Variants in MLXIPL observed in about 807,000 individuals in gnomAD.
MLXIPL encodes the protein MLX interacting protein like.
MLXIPL carries 49 observed loss-of-function variants against 81.5 expected under a neutral mutation model. The observed-to-expected ratio is 0.60, with a 90% CI of 0.48 to 0.76. MLXIPL has a LOEUF of 0.76. Among genes scored for constraint, MLXIPL ranks in the 30% least tolerant of loss-of-function variants. The probability of loss-of-function intolerance (pLI) is 0.00; values close to 1 mark genes in which losing one functional copy is unlikely to be tolerated. For synonymous variants in MLXIPL, 466 were observed against 485.5 expected, an observed-to-expected ratio of 0.96 and a Z score of 0.53; for missense variants, 1,053 against 1,167.0, an observed-to-expected ratio of 0.90 and a Z score of 1.42.
intron 15 of MLXIPL, 100 bp from the exon 16 acceptor site, chr7:73,594,503 C>T: frequency 6.9e-7 from 1 of 1,450,524 alleles, no homozygotes; most frequent in Non-Finnish European, 9.5e-7. Context: ...AGGGCCTGGA[C>T]ACTGTCTAAC....
At chr7:73,640,246 A>T in the MLXIPL span, among the ~76,000 whole-genome samples, 14 of 151,366 alleles carry the variant, frequency 9.2e-5, no homozygotes, top group Non-Finnish European at 2.1e-4. Context: ...CTCTTAAAAT[A>T]ATAGCAAAAT....
At position 73,623,259 on chromosome 7, in the gene MLXIPL, G is replaced by T. The variant is rs1332205873; in HGVS notation, c.293+941C>A. On this transcript the variant is annotated intron_variant, in intron 1 of 16. Coordinates refer to ENST00000313375, the MANE Select transcript of MLXIPL (RefSeq NM_032951.3). This position sits in a 1 kb window ranked among gnomAD's most constrained non-coding sequence, Gnocchi z 5.7. ...TCTCAGAAGGGGAGGAGGCGCCGCG[G>T]AGGAAGAGGAATATTTGCACAGAGA... is the stretch of plus-strand genomic sequence containing the variant. Among the ~76,000 whole-genome samples, 1 of 152,228 alleles carries T rather than the reference G, an allele frequency of 6.6e-6. No individual in the cohort carries two copies. Among genetic ancestry groups the T allele is most frequent in the Non-Finnish European group, 1.5e-5 (1 of 68,040 alleles).
At chr7:73,617,125 C>T (rs559795181) in intron 1 of MLXIPL, among the ~76,000 whole-genome samples, 13 of 152,108 alleles carry the variant, frequency 8.5e-5, no homozygotes, top group East Asian at 3.9e-4. Flanking sequence ...AAACAATTCT[C>T]GTGCCTCGGC....
At chr7:73,640,776 C>CA in the MLXIPL span, among the ~76,000 whole-genome samples, 704 of 66,270 alleles carry the variant, frequency 0.011, 10 homozygotes, top group East Asian at 0.1. Flanking sequence ...GACTCCATCT[C>CA]AAAAAAAAAA....
At chr7:73,636,081 C>T in the MLXIPL span, among the ~76,000 whole-genome samples, 1 of 152,132 alleles carries the variant, frequency 6.6e-6, no homozygotes, top group Admixed American at 6.6e-5. Context: ...AAGGAAGGCT[C>T]TCTAGAAGAA....
the MLXIPL span, among the ~76,000 whole-genome samples, chr7:73,637,475 G>GA: frequency 9.3e-4 from 127 of 136,438 alleles, no homozygotes; most frequent in Admixed American, 1.6e-3. Flanking sequence ...ACTCTGTCTG[G>GA]AAAAAAAAAA....
At chr7:73,595,434 T>A (rs1349896315) in intron 15 of MLXIPL, among the ~76,000 whole-genome samples, 4 of 152,134 alleles carry the variant, frequency 2.6e-5, no homozygotes, top group Non-Finnish European at 4.4e-5. Flanking sequence ...TTTCCCTCTC[T>A]GCTCCCAGCC....
the MLXIPL span, among the ~76,000 whole-genome samples, chr7:73,635,669 A>T: frequency 4.0e-5 from 6 of 150,750 alleles, no homozygotes; most frequent in African/African-American, 1.2e-4. Context: ...CTATCTATCC[A>T]TCCATCCATC....
the MLXIPL span, among the ~76,000 whole-genome samples, chr7:73,643,595 G>C: frequency 6.6e-6 from 1 of 151,968 alleles, no homozygotes; most frequent in East Asian, 1.9e-4. Context: ...TTTGAACCCA[G>C]TTGTGTCTGA....
chr7:73,643,695 T>C, the MLXIPL span, among the ~76,000 whole-genome samples: 7,501 of 152,196 alleles, frequency 0.049, 214 homozygotes, highest in Non-Finnish European at 0.064. Context: ...ACATCATGTG[T>C]CAGGTAAATC....
chr7:73,596,111 G>T lies in MLXIPL; in HGVS notation c.2058+42C>A, dbSNP rs782664677. 1.9e-6 allele frequency: 3 copies of T among 1,606,614 alleles called. No individual in the cohort carries two copies. In the South Asian group the frequency reaches 3.3e-5, roughly 18 times the overall value. ...TTGGGTGGGGGGGGTCCAGAAAGGG[G>T]CCCTGTGGTTTTGGGGGTGCCAGCC... On this transcript the variant is annotated intron_variant, in intron 13 of 16. Coordinates refer to ENST00000313375, the MANE Select transcript of MLXIPL (RefSeq NM_032951.3). This position sits in a 1 kb window ranked among gnomAD's most constrained non-coding sequence, Gnocchi z 4.7.
rs1794254901 is a variant in MLXIPL at position 73,595,979 on chromosome 7, C to T, written c.2059-10G>A. 1 of 1,612,296 alleles carries T rather than the reference C, an allele frequency of 6.2e-7. No homozygotes were observed. The highest frequency in any genetic ancestry group is 1.1e-5 in the South Asian group (1 of 91,020). On this transcript the variant is annotated splice_polypyrimidine_tract_variant and intron_variant, in intron 13 of 16. Coordinates refer to ENST00000313375, the MANE Select transcript of MLXIPL (RefSeq NM_032951.3). ...TGGTAGCTTTGCTCACCTGCAGACG[C>T]CACCAGGGGGGCTCAGGCAGGTGCT...
chr7:73,628,078 T>C (rs1248607782), upstream of MLXIPL, among the ~76,000 whole-genome samples: 1 of 152,098 alleles, frequency 6.6e-6, no homozygotes, highest in Admixed American at 6.6e-5. Flanking sequence ...CACCACGGCC[T>C]CCCAAAGTGC....
At chr7:73,633,446 A>T in the MLXIPL span, among the ~76,000 whole-genome samples, 1 of 151,276 alleles carries the variant, frequency 6.6e-6, no homozygotes, top group Non-Finnish European at 1.5e-5. Flanking sequence ...CTTGGGCTCA[A>T]GCAGTCCTCC....
intron 2 of MLXIPL, among the ~76,000 whole-genome samples, chr7:73,608,488 G>A (rs1001188280): frequency 6.6e-6 from 1 of 152,084 alleles, no homozygotes; most frequent in Non-Finnish European, 1.5e-5. Flanking sequence ...TTGGGAGGCT[G>A]AGGCAGGAGA....
the MLXIPL span, among the ~76,000 whole-genome samples, chr7:73,642,166 A>G: frequency 6.6e-6 from 1 of 152,128 alleles, no homozygotes; most frequent in African/African-American, 2.4e-5. Context: ...TCAGTTTGTT[A>G]TCAATGATAC....
intron 5 of MLXIPL, chr7:73,606,676 T>G: frequency 2.4e-6 from 1 of 409,742 alleles, no homozygotes; most frequent in Non-Finnish European, 4.6e-6. Context: ...CCCACCCGCC[T>G]CGGCCTCCCA....
the MLXIPL span, among the ~76,000 whole-genome samples, chr7:73,630,123 A>C: frequency 2.0e-5 from 3 of 151,398 alleles, no homozygotes; most frequent in African/African-American, 7.3e-5. Context: ...TCAGCCTCCC[A>C]AGTAGCTGGG....
chr7:73,607,568 A>G lies in MLXIPL; in HGVS notation c.483+22T>C, dbSNP rs782129150. 3 of 1,611,142 alleles carry G rather than the reference A, an allele frequency of 1.9e-6. No homozygotes were observed. In the East Asian group the frequency reaches 6.7e-5, roughly 36 times the overall value. On this transcript the variant is annotated intron_variant, in intron 3 of 16. Transcript: ENST00000313375. ...TGGGTGGGCAGGTGGGCAGGTGGGC[A>G]GGCGGTCCAGAACCCAGCTACCTCC...
Sources: gnomAD v4.1 joint callset for allele counts (sites outside exome capture counted in the v4.1 genomes callset) on GRCh38, gnomAD v4.1.1 for gene constraint, Gnocchi (gnomAD v3.1) non-coding constraint, MANE v1.5 for transcripts, NCBI Gene and HGNC (gene_info 2026-07-23, HGNC 2026-07-21) for gene names.